The following NDRG1 variants were observed in gnomAD, a reference collection of about 807,000 sequenced individuals.
NDRG1 encodes N-myc downstream regulated 1.
A neutral mutation model predicts 56.9 loss-of-function variants in NDRG1; 32 were observed. That is an observed-to-expected ratio of 0.56 (90% CI 0.42 to 0.76). The LOEUF is 0.76. Ranked by LOEUF, NDRG1 falls within the 30% of genes least tolerant of loss-of-function variation. The pLI, the probability that NDRG1 is intolerant of heterozygous loss-of-function variation, is 0.00. For missense variants in NDRG1, 507 were observed against 545.7 expected (o/e 0.93, Z 0.71); for synonymous variants, 211 against 204.1 (o/e 1.03, Z -0.29).
chr8:133,296,117 C>T (rs1323548451), intron 1 of NDRG1, among the ~76,000 whole-genome samples: 2 of 152,180 alleles, frequency 1.3e-5, no homozygotes, highest in Admixed American at 1.3e-4. Context: ...GAACCAGCCG[C>T]ATTCCCCAAG....
intron 3 of NDRG1, among the ~76,000 whole-genome samples, chr8:133,267,448 T>TGGCACA (rs1856977970): frequency 6.6e-6 from 1 of 152,152 alleles, no homozygotes; most frequent in Non-Finnish European, 1.5e-5. Flanking sequence ...TTAAGTCCCC[T>TGGCACA]GGCACACAGA....
intron 3 of NDRG1, among the ~76,000 whole-genome samples, chr8:133,276,976 T>C (rs756809193): frequency 6.6e-6 from 1 of 152,146 alleles, no homozygotes; most frequent in Non-Finnish European, 1.5e-5. Context: ...GGGGCATACA[T>C]ACAACAGAAT....
intron 4 of NDRG1, among the ~76,000 whole-genome samples, chr8:133,263,295 CAAGGTATTAAT>C (rs1480269453): frequency 1.3e-5 from 2 of 152,286 alleles, no homozygotes; most frequent in African/African-American, 2.4e-5. Context: ...TCCCCAGCCT[CAAGGTATTAAT>C]AAGGTATTAA....
At chr8:133,243,581 T>C (rs2130673240) in intron 14 of NDRG1, among the ~76,000 whole-genome samples, 1 of 152,346 alleles carries the variant, frequency 6.6e-6, no homozygotes. Context: ...GCTGGTGTCC[T>C]CGAAGCCTGT....
chr8:133,239,036 G>C lies in NDRG1; in HGVS notation c.1027C>G (p.Arg343Gly). 1 of 1,596,878 alleles carries C rather than the reference G, an allele frequency of 6.3e-7. No homozygotes were observed. The highest frequency in any genetic ancestry group is 8.5e-7 in the Non-Finnish European group (1 of 1,173,238). ...CGGGTGCCCTCGCTGGTGTGGGAGC[G>C]GCTGCGGGTGCCATCCAGAGAAGTG... ...SVTSLDGTRSRSHTSEGTRSR... is the reference protein window; with the variant it reads ...SVTSLDGTRSGSHTSEGTRSR... Residue 343 changes from arginine to glycine, a missense_variant, in exon 16 of 16, where the codon CGC becomes GGC. Arg to Gly is a moderately radical substitution (Grantham distance 125). Coordinates refer to ENST00000323851, the MANE Select transcript of NDRG1 (RefSeq NM_006096.4).
In NDRG1 at chr8:133,238,151, T is replaced by C. The variant is rs772786911; in HGVS notation, c.*727A>G. 1.2e-4 allele frequency: 29 copies of C among 233,024 alleles called. No individual in the cohort carries two copies. The highest frequency in any genetic ancestry group is 1.8e-4 in the Non-Finnish European group (21 of 117,974). The allele number at this position is 233,024 out of a possible 1,614,324, so 14.4% of individuals were successfully genotyped here. ...AAAAACCATGATGCCCAACGTTTGC[T>C]GAAATATTTTTGTCTGTAAAGCCAG... On this transcript the variant is annotated 3_prime_UTR_variant, in exon 16 of 16. Coordinates refer to ENST00000323851, the MANE Select transcript of NDRG1 (RefSeq NM_006096.4).
intron 3 of NDRG1, 89 bp downstream of exon 3, chr8:133,280,143 C>T: frequency 6.6e-7 from 1 of 1,510,232 alleles, no homozygotes; most frequent in Non-Finnish European, 9.2e-7. Flanking sequence ...GCAATGTTTG[C>T]ACAATGATCT....
At chr8:133,265,557 G>A (rs997824748) in intron 3 of NDRG1, among the ~76,000 whole-genome samples, 11 of 152,072 alleles carry the variant, frequency 7.2e-5, no homozygotes, top group Non-Finnish European at 1.3e-4. Flanking sequence ...TTCTTGTTGA[G>A]CCAGATGGTT....
intron 2 of NDRG1, 95 bp downstream of exon 2, chr8:133,284,154 C>A: frequency 8.7e-7 from 1 of 1,154,308 alleles, no homozygotes; most frequent in Admixed American, 1.7e-5. Flanking sequence ...GCAGTGTTTG[C>A]ATGCCCATAA....
chr8:133,259,008 T>G (rs1357030984), intron 6 of NDRG1, 160 bp downstream of exon 6: 2 of 772,310 alleles, frequency 2.6e-6, no homozygotes, highest in East Asian at 5.0e-5. Context: ...AGAGACTGTG[T>G]GAAGAACAGT....
rs1855238032 is a variant in NDRG1 at position 133,239,101 on chromosome 8, G to T, written c.962C>A (p.Thr321Asn). 5 of 1,561,740 alleles carry T rather than the reference G, an allele frequency of 3.2e-6. No homozygotes were observed. The highest frequency in any genetic ancestry group is 4.3e-6 in the Non-Finnish European group (5 of 1,152,726). Reference sequence around the variant, plus strand: ...GGCTGTGCGGGACCGCATCAGGCGGGTCATGCTAGCCGAGGGCACTAGGGG... The same window carrying T: ...GGCTGTGCGGGACCGCATCAGGCGGTTCATGCTAGCCGAGGGCACTAGGGG... Reference protein sequence around the residue: ...GMGYMPSASMTRLMRSRTASG... With the variant: ...GMGYMPSASMNRLMRSRTASG... The change falls in exon 16 of 16, where the codon ACC becomes AAC. Residue 321 changes from threonine (T) to asparagine (N), a missense_variant. By Grantham distance (65) the Thr-to-Asn change is moderately conservative (BLOSUM62 0). Coordinates refer to ENST00000323851, the MANE Select transcript of NDRG1 (RefSeq NM_006096.4).
At chr8:133,283,530 G>A (rs1857930676) in intron 2 of NDRG1, among the ~76,000 whole-genome samples, 1 of 152,190 alleles carries the variant, frequency 6.6e-6, no homozygotes, top group Non-Finnish European at 1.5e-5. Context: ...GTTTCCAACA[G>A]GAAGAGCTCT....
intron 1 of NDRG1, among the ~76,000 whole-genome samples, chr8:133,295,308 G>A (rs1457820857): frequency 6.6e-6 from 1 of 152,204 alleles, no homozygotes; most frequent in East Asian, 1.9e-4. Context: ...AGGTTACAGG[G>A]CAGGGCAGGC....
chr8:133,260,554 G>T (rs902162144), intron 5 of NDRG1, among the ~76,000 whole-genome samples: 1 of 152,160 alleles, frequency 6.6e-6, no homozygotes, highest in African/African-American at 2.4e-5. Flanking sequence ...TCACCAGGGG[G>T]AACTAAGAGT....
chr8:133,294,219 G>A (rs1858603575), intron 1 of NDRG1, among the ~76,000 whole-genome samples: 1 of 152,196 alleles, frequency 6.6e-6, no homozygotes, highest in South Asian at 2.1e-4. Flanking sequence ...AACTGTCCGG[G>A]TTCAAAGTCT....
chr8:133,246,158 C>A (rs1179432281), intron 13 of NDRG1, among the ~76,000 whole-genome samples: 1 of 152,242 alleles, frequency 6.6e-6, no homozygotes, highest in Non-Finnish European at 1.5e-5. Flanking sequence ...TCATAACTGG[C>A]AAAGGACTGG....
At chr8:133,269,187 T>C (rs886473488) in intron 3 of NDRG1, among the ~76,000 whole-genome samples, 3 of 152,054 alleles carry the variant, frequency 2.0e-5, no homozygotes, top group Non-Finnish European at 2.9e-5. Context: ...AAATTGCCTG[T>C]CTCGAAGCTC....
intron 3 of NDRG1, among the ~76,000 whole-genome samples, chr8:133,269,117 C>A (rs916787193): frequency 6.6e-6 from 1 of 152,196 alleles, no homozygotes; most frequent in Non-Finnish European, 1.5e-5. Context: ...AGAGAAAGCA[C>A]AAGGAACCCA....
intron 14 of NDRG1, 59 bp downstream of exon 14, chr8:133,244,296 T>A: frequency 1.3e-6 from 2 of 1,597,552 alleles, no homozygotes; most frequent in Non-Finnish European, 8.6e-7. Flanking sequence ...CAGAGGCACA[T>A]GCACTCCACC....
Sources: gnomAD v4.1 joint callset for allele counts (sites outside exome capture counted in the v4.1 genomes callset) on GRCh38, gnomAD v4.1.1 for gene constraint, MANE v1.5 for transcripts, NCBI Gene and HGNC (gene_info 2026-07-23, HGNC 2026-07-21) for gene names.